The following SMG6 variants were observed in gnomAD, a reference collection of about 807,000 sequenced individuals.
SMG6 encodes SMG6 nonsense mediated mRNA decay factor.
SMG6 carries 66 observed loss-of-function variants against 142.2 expected under a neutral mutation model. That is an observed-to-expected ratio of 0.46 (90% confidence interval 0.38 to 0.57). The LOEUF is 0.57. Among genes scored for constraint, SMG6 ranks in the 20% least tolerant of loss-of-function variants. SMG6 has a pLI of 0.00. For missense variants in SMG6, 1,793 were observed against 1,832.0 expected (o/e 0.98, Z 0.39); for synonymous variants, 779 against 702.4 (o/e 1.11, Z -1.72).
At chr17:2,302,291 C>T (rs1207481046) in intron 1 of SMG6, among the ~76,000 whole-genome samples, 1 of 152,018 alleles carries the variant, frequency 6.6e-6, no homozygotes, top group Non-Finnish European at 1.5e-5. Flanking sequence ...CGCCTGTAAT[C>T]CCAGCACTTT....
chr17:2,106,312 C>T (rs1347739006), intron 13 of SMG6, among the ~76,000 whole-genome samples: 1 of 152,136 alleles, frequency 6.6e-6, no homozygotes, highest in Non-Finnish European at 1.5e-5. Context: ...TCTGCACATG[C>T]CATTGTTCCA....
chr17:2,114,952 A>AC (rs2069455434), intron 13 of SMG6, among the ~76,000 whole-genome samples: 1 of 101,724 alleles, frequency 9.8e-6, no homozygotes, highest in African/African-American at 4.5e-5. Flanking sequence ...AAAATAAAAT[A>AC]AAAAAATGAA....
In SMG6 at chr17:2,060,483, T is replaced by C. The variant is rs1302789383; in HGVS notation, c.*1009A>G. 6.6e-6 allele frequency: 1 copy of C among 152,216 alleles called. No homozygotes were observed. The highest frequency in any genetic ancestry group is 1.9e-4 in the East Asian group (1 of 5,192). 9.4% of individuals were successfully genotyped at this position (152,216 alleles called of 1,614,324 possible). On this transcript the variant is annotated 3_prime_UTR_variant, in exon 19 of 19. Coordinates refer to ENST00000263073, the MANE Select transcript of SMG6 (RefSeq NM_017575.5). ...AAGGCCCTGGGTGGGAGACCTGTAC[T>C]AGGTTCCTGCCATGGGTAGTAGAGA...
intron 13 of SMG6, among the ~76,000 whole-genome samples, chr17:2,170,426 A>G (rs1210625434): frequency 6.6e-6 from 1 of 152,226 alleles, no homozygotes; most frequent in African/African-American, 2.4e-5. Context: ...GAACTCCCCA[A>G]AGCATCCTCT....
At chr17:2,176,434 A>G (rs73979419) in intron 12 of SMG6, among the ~76,000 whole-genome samples, 1,947 of 152,274 alleles carry the variant, frequency 0.013, 50 homozygotes, top group African/African-American at 0.045. Context: ...ATAATCTCAA[A>G]CAACTTTTGA....
intron 8 of SMG6, among the ~76,000 whole-genome samples, chr17:2,277,909 A>G (rs1473068795): frequency 6.6e-6 from 1 of 152,078 alleles, no homozygotes; most frequent in Non-Finnish European, 1.5e-5. Flanking sequence ...TTAGCCAGGC[A>G]TGGTGGCGCA....
At chr17:2,130,972 C>T (rs2070102395) in intron 13 of SMG6, among the ~76,000 whole-genome samples, 1 of 152,086 alleles carries the variant, frequency 6.6e-6, no homozygotes, top group Non-Finnish European at 1.5e-5. Flanking sequence ...CACTGCACTC[C>T]AGCCTGGACG....
chr17:2,140,716 T>C (rs1375716570), intron 13 of SMG6, among the ~76,000 whole-genome samples: 1 of 152,156 alleles, frequency 6.6e-6, no homozygotes, highest in African/African-American at 2.4e-5. Flanking sequence ...GTATTCATTT[T>C]TATAACATGC....
intron 13 of SMG6, among the ~76,000 whole-genome samples, chr17:2,151,256 G>A (rs995480407): frequency 1.3e-5 from 2 of 152,182 alleles, no homozygotes; most frequent in African/African-American, 4.8e-5. Flanking sequence ...ATTTATTGCA[G>A]AACTTTTTAA....
chr17:2,158,893 CTA>C, intron 13 of SMG6, among the ~76,000 whole-genome samples: 1 of 123,002 alleles, frequency 8.1e-6, no homozygotes, highest in South Asian at 2.5e-4. Context: ...CTGTTCAAGA[CTA>C]TGTTTAAAAA....
Position 2,300,144 on chromosome 17 carries a change from G to C in SMG6, c.609C>G (p.Ser203Arg). 6.2e-7 allele frequency: 1 copy of C among 1,613,956 alleles called. No individual in the cohort carries two copies. The highest frequency in any genetic ancestry group is 8.5e-7 in the Non-Finnish European group (1 of 1,179,974). ...NKPDRAEIEK[S>R]PGGGRVGAAK... ...CAGCCCCTACTCTCCCACCACCTGG[G>C]CTCTTTTCTATCTCAGCCCTGTCTG... Residue 203 changes from serine (S) to arginine (R), a missense_variant, in exon 2 of 19, where the codon AGC (serine) becomes AGG (arginine). By Grantham distance (110) the Ser-to-Arg change is moderately radical. Coordinates refer to ENST00000263073, the MANE Select transcript of SMG6 (RefSeq NM_017575.5).
chr17:2,221,627 C>A (rs1361658947), intron 10 of SMG6, among the ~76,000 whole-genome samples: 1 of 152,210 alleles, frequency 6.6e-6, no homozygotes, highest in Non-Finnish European at 1.5e-5. Context: ...ATTATGCTTT[C>A]AAGAAAGTCA....
rs776326952 is a variant in SMG6, at chr17:2,068,563, C to T, written c.3835+215G>A. 3.3e-5 allele frequency among the ~76,000 whole-genome samples: 5 copies of T among 152,200 alleles called. No individual in the cohort carries two copies. The highest frequency in any genetic ancestry group is 4.8e-5 in the African/African-American group (2 of 41,446). ...TTGCTGGGACACAGGAGTCCATTTG[C>T]TCAAGCAGTTTAAGCCATGGATCAG... On this transcript the variant is annotated intron_variant, in intron 16 of 18. Transcript: ENST00000263073. This position sits in a 1 kb window ranked among gnomAD's most constrained non-coding sequence, Gnocchi z 6.7.
chr17:2,142,434 CA>C (rs1235116891), intron 13 of SMG6, among the ~76,000 whole-genome samples: 2 of 152,010 alleles, frequency 1.3e-5, no homozygotes, highest in African/African-American at 2.4e-5. Context: ...CGCTGGAGCC[CA>C]GGAGTTCAAA....
Position 2,081,893 on chromosome 17 carries a change from C to T in SMG6, c.3598G>A (p.Asp1200Asn). The T allele has an allele frequency of 1.9e-6, 3 of 1,614,164 alleles. No individual in the cohort carries two copies. Among genetic ancestry groups the T allele is most frequent in the Non-Finnish European group, 2.5e-6 (3 of 1,180,048 alleles). The change falls in exon 15 of 19, where the codon GAT becomes AAT. Residue 1200 changes from aspartate to asparagine, a missense_variant. By Grantham distance (23) the Asp-to-Asn change is conservative (BLOSUM62 1). Transcript: ENST00000263073. ...DSEAEGSGGE[D>N]DIRELRAKKL... ...TTGGCCCGAAGCTCCCTGATGTCAT[C>T]CTCGCCTCCGCTGCCTTCAGCCTCT...
At chr17:2,061,812 C>T (rs2151377366) in intron 18 of SMG6, 190 bp from the exon 19 acceptor site, 3 of 598,852 alleles carry the variant, frequency 5.0e-6, no homozygotes, top group Non-Finnish European at 8.7e-6. Context: ...CTAGAGAGGG[C>T]TGCACTGGGC....
intron 1 of SMG6, chr17:2,303,339 G>A (rs1016904709): frequency 5.1e-6 from 6 of 1,175,586 alleles, no homozygotes; most frequent in Non-Finnish European, 6.3e-6. Context: ...GGGAATCCGG[G>A]GCGGGTCTGA....
chr17:2,255,399 G>A (rs867480495), intron 8 of SMG6, among the ~76,000 whole-genome samples: 9 of 43,892 alleles, frequency 2.1e-4, no homozygotes, highest in African/African-American at 3.0e-4. Flanking sequence ...GCGAGACTCC[G>A]TCTCAAAAAA....
intron 10 of SMG6, among the ~76,000 whole-genome samples, chr17:2,199,365 G>C (rs1258992255): frequency 6.6e-6 from 1 of 151,968 alleles, no homozygotes; most frequent in African/African-American, 2.4e-5. Context: ...AGGCATGGTG[G>C]CTCATGCTTA....
Sources: gnomAD v4.1 joint callset for allele counts (sites outside exome capture counted in the v4.1 genomes callset) on GRCh38, gnomAD v4.1.1 for gene constraint, Gnocchi (gnomAD v3.1) non-coding constraint, MANE v1.5 for transcripts, NCBI Gene and HGNC (gene_info 2026-07-23, HGNC 2026-07-21) for gene names.